ARHGEF18: variants seen among roughly 807,000 people sequenced by gnomAD.
ARHGEF18 encodes Rho/Rac guanine nucleotide exchange factor 18, also known as rho guanine nucleotide exchange factor 18.
ARHGEF18 carries 93 observed loss-of-function variants against 155.7 expected under a neutral mutation model. The ratio of observed to expected loss-of-function variants is 0.60; its 90% confidence interval spans 0.50 to 0.71. The LOEUF (loss-of-function observed/expected upper bound fraction) is 0.71, where lower values mean the gene tolerates loss of function less well. Among genes scored for constraint, ARHGEF18 ranks in the 30% least tolerant of loss-of-function variants. The probability of loss-of-function intolerance (pLI) is 0.00; values close to 1 mark genes in which losing one functional copy is unlikely to be tolerated. For synonymous variants in ARHGEF18, 742 were observed against 753.1 expected, an observed-to-expected ratio of 0.99 and a Z score of 0.24; for missense variants, 1,593 against 1,816.1, an observed-to-expected ratio of 0.88 and a Z score of 2.23.
Position 7,444,475 on chromosome 19 carries a change from C to T in ARHGEF18, c.1611+21C>T, listed in dbSNP as rs766033905. ...AGCAGGTGGGTGCAGCCGTGTTCAT[C>T]TCAACAGTCTTCAAAGCCTCTGCCT... On this transcript the variant is annotated intron_variant, in intron 14 of 28. Coordinates refer to ENST00000668164, the MANE Select transcript of ARHGEF18 (RefSeq NM_001367823.1). This position sits in a 1 kb window ranked among gnomAD's most constrained non-coding sequence, Gnocchi z 4.7. 6.2e-7 allele frequency: 1 copy of T among 1,608,682 alleles called. No homozygotes were observed. Among genetic ancestry groups the T allele is most frequent in the East Asian group, 2.2e-5 (1 of 44,766 alleles).
At chr19:7,389,750 G>C (rs1296202855) in intron 10 of ARHGEF18, among the ~76,000 whole-genome samples, 7 of 152,002 alleles carry the variant, frequency 4.6e-5, no homozygotes, top group Non-Finnish European at 8.8e-5. Context: ...GGCCAGGCTG[G>C]TCTCGAACTC....
At chr19:7,407,675 A>G (rs1331183657) in intron 10 of ARHGEF18, among the ~76,000 whole-genome samples, 3 of 152,052 alleles carry the variant, frequency 2.0e-5, no homozygotes, top group Non-Finnish European at 4.4e-5. Flanking sequence ...AACCAATTAG[A>G]TATAGTAGGC....
intron 10 of ARHGEF18, among the ~76,000 whole-genome samples, chr19:7,434,928 G>A (rs1030222743): frequency 7.2e-5 from 11 of 152,190 alleles, no homozygotes; most frequent in Admixed American, 4.6e-4. Flanking sequence ...TAGGCCAGGC[G>A]CAGTGGCTCA....
At chr19:7,355,843 G>GGAGAATCAGGGGTC in intron 1 of ARHGEF18, 1 of 347,912 alleles carries the variant, frequency 2.9e-6, no homozygotes, top group Non-Finnish European at 4.0e-6. Flanking sequence ...CATGACCCCT[G>GGAGAATCAGGGGTC]ATTCTCCAGG....
rs868199804 is a variant in ARHGEF18 at position 7,362,068 on chromosome 19, A to G, written c.-110-713A>G. 3.8e-3 allele frequency among the ~76,000 whole-genome samples: 115 copies of G among 29,978 alleles called. 8 individuals carry two copies. The East Asian group carries it at 0.066, about 17-fold the overall frequency. The allele number at this position is 29,978 out of a possible 152,430, so 19.7% of individuals were successfully genotyped here. A position where few individuals can be genotyped will look rare whatever the true frequency, so the allele number is the denominator to read the frequency against. ...GAAGGAGAAGGAGAAGGAGAAGGAG[A>G]AGGAGAAGGAGAAGGAGAAGGAGAA... On this transcript the variant is annotated intron_variant, in intron 1 of 28. Transcript: ENST00000668164.
chr19:7,436,728 A>C (rs1407528513), intron 10 of ARHGEF18, among the ~76,000 whole-genome samples: 1 of 152,170 alleles, frequency 6.6e-6, no homozygotes, highest in African/African-American at 2.4e-5. Flanking sequence ...GATTTGCGCC[A>C]TATTTGTACG....
chr19:7,382,781 T>G lies in ARHGEF18; in HGVS notation c.723-11T>G. 2 of 1,232,150 alleles carry G rather than the reference T, an allele frequency of 1.6e-6. No individual in the cohort carries two copies. The highest frequency in any genetic ancestry group is 2.0e-6 in the Non-Finnish European group (2 of 987,874). The allele number at this position is 1,232,150 out of a possible 1,614,324, so 76.3% of individuals were successfully genotyped here. A position where few individuals can be genotyped will look rare whatever the true frequency, so the allele number is the denominator to read the frequency against. The stretch of plus-strand genomic sequence containing the variant: ...GGCCCCCTCTAGTGGACCTTCCCTC[T>G]CGTCCCTCAGGAGCGAGGACGGTGC... On this transcript the variant is annotated splice_polypyrimidine_tract_variant and intron_variant, in intron 8 of 28. Coordinates refer to ENST00000668164, the MANE Select transcript of ARHGEF18 (RefSeq NM_001367823.1).
At chr19:7,413,504 T>A (rs12461137) in intron 10 of ARHGEF18, among the ~76,000 whole-genome samples, 1 of 151,644 alleles carries the variant, frequency 6.6e-6, no homozygotes, top group Admixed American at 6.6e-5. Context: ...GGTTTCACCG[T>A]GTTGACCAGG....
In ARHGEF18 at chr19:7,467,391, C is replaced by T; in HGVS notation, c.3187C>T (p.Leu1063=). 6.5e-7 allele frequency: 1 copy of T among 1,533,182 alleles called. No individual in the cohort carries two copies. The highest frequency in any genetic ancestry group is 1.4e-5 in the African/African-American group (1 of 73,032). The allele number at this position is 1,533,182 out of a possible 1,614,324, so 95.0% of individuals were successfully genotyped here. ...RAALEKLQSQ[L]RHEQQRWERE... is the part of the protein sequence containing the mutation. ...GGCCCTGGAGAAGCTGCAGAGCCAG[C>T]TGCGGCACGAGCAGCAGCGCTGGGA... is the stretch of plus-strand genomic sequence containing the variant. Residue 1063 remains leucine (L), a synonymous_variant, in exon 26 of 29, where the codon CTG becomes TTG. Transcript: ENST00000668164.
intron 2 of ARHGEF18, among the ~76,000 whole-genome samples, chr19:7,364,453 C>T (rs945911605): frequency 1.3e-5 from 2 of 151,548 alleles, no homozygotes; most frequent in Admixed American, 1.3e-4. Context: ...ACTGACTTGC[C>T]TAAGTTCCCG....
chr19:7,459,779 GA>G, intron 19 of ARHGEF18, 123 bp from the exon 20 acceptor site: 1 of 773,684 alleles, frequency 1.3e-6, no homozygotes, highest in Non-Finnish European at 2.1e-6. Flanking sequence ...CCTGCACCAC[GA>G]ACAAGCTAAA....
At chr19:7,430,209 T>G (rs1376898747) in intron 10 of ARHGEF18, among the ~76,000 whole-genome samples, 5 of 152,104 alleles carry the variant, frequency 3.3e-5, no homozygotes, top group Non-Finnish European at 5.9e-5. Context: ...ATTTTTTATT[T>G]TTCTTTAAAA....
At chr19:7,422,363 C>A (rs1177870428) in intron 10 of ARHGEF18, among the ~76,000 whole-genome samples, 1 of 151,740 alleles carries the variant, frequency 6.6e-6, no homozygotes, top group Non-Finnish European at 1.5e-5. Flanking sequence ...TGCCCCCCCG[C>A]CCCGCGCAGC....
chr19:7,456,504 G>T, intron 18 of ARHGEF18, 101 bp downstream of exon 18: 3 of 1,082,316 alleles, frequency 2.8e-6, no homozygotes, highest in Non-Finnish European at 4.2e-6. Context: ...ATCACTTGAG[G>T]TCAAGAGTTG....
chr19:7,451,198 T>A lies in ARHGEF18; in HGVS notation c.1787T>A (p.Ile596Asn), dbSNP rs1975435121. The A allele has an allele frequency of 1.3e-6, 2 of 1,593,364 alleles. No homozygotes were observed. The highest frequency in any genetic ancestry group is 3.5e-5 in the Admixed American group (2 of 57,776). ...IVRRLGVQEC[I>N]LLVTQRITKY... ...CGGCGGCTTGGCGTGCAGGAGTGCATTCTCCTGGTTACACAACGCATAACC... is the reference window on the plus strand; with the variant it reads ...CGGCGGCTTGGCGTGCAGGAGTGCAATCTCCTGGTTACACAACGCATAACC... The change falls in exon 16 of 29, where the codon ATT (isoleucine) becomes AAT (asparagine). Residue 596 changes from isoleucine to asparagine, a missense_variant. Physicochemically the swap from Ile to Asn is moderately radical, Grantham distance 149. Coordinates refer to ENST00000668164, the MANE Select transcript of ARHGEF18 (RefSeq NM_001367823.1).
At position 7,376,633 on chromosome 19, in the gene ARHGEF18, T is replaced by G; in HGVS notation, c.427-10T>G. ...CTTCCCAGCTTAGTGAGATGTTTAA[T>G]CCCCTGCAGGAATGTGACAGCCCCA... On this transcript the variant is annotated splice_polypyrimidine_tract_variant and intron_variant, in intron 4 of 28. Transcript: ENST00000668164. 1 of 1,233,196 alleles carries G rather than the reference T, an allele frequency of 8.1e-7. No individual in the cohort carries two copies. Among genetic ancestry groups the G allele is most frequent in the East Asian group, 3.2e-5 (1 of 31,678 alleles). The allele number at this position is 1,233,196 out of a possible 1,614,324, so 76.4% of individuals were successfully genotyped here.
intron 10 of ARHGEF18, among the ~76,000 whole-genome samples, chr19:7,429,421 G>A (rs1754587061): frequency 6.6e-6 from 1 of 152,062 alleles, no homozygotes; most frequent in East Asian, 1.9e-4. Flanking sequence ...TGGCCAACGT[G>A]GTGAAACCTC....
At chr19:7,419,738 T>C (rs982997630) in intron 10 of ARHGEF18, among the ~76,000 whole-genome samples, 2 of 152,048 alleles carry the variant, frequency 1.3e-5, no homozygotes, top group African/African-American at 2.4e-5. Context: ...TTGCAGTCAC[T>C]TGGGAAGGTG....
intron 11 of ARHGEF18, 133 bp from the exon 12 acceptor site, chr19:7,441,520 G>A: frequency 2.9e-6 from 2 of 690,776 alleles, no homozygotes; most frequent in Non-Finnish European, 5.0e-6. Flanking sequence ...ACAAAGTTGA[G>A]GCTTCTGTGA....
Sources: gnomAD v4.1 joint callset for allele counts (sites outside exome capture counted in the v4.1 genomes callset) on GRCh38, gnomAD v4.1.1 for gene constraint, Gnocchi (gnomAD v3.1) non-coding constraint, MANE v1.5 for transcripts, NCBI Gene and HGNC (gene_info 2026-07-23, HGNC 2026-07-21) for gene names.